The following LRP3 variants were observed in gnomAD, a reference collection of about 807,000 sequenced individuals.
LRP3 encodes LDL receptor related protein 3.
Under a neutral mutation model 58.5 loss-of-function variants are expected in LRP3, and 49 were observed. The observed-to-expected ratio is 0.84, with a 90% CI of 0.67 to 1.06. LRP3 has a LOEUF of 1.06. Ranked by LOEUF, LRP3 falls within the 50% of genes least tolerant of loss-of-function variation. The probability of loss-of-function intolerance (pLI) is 0.00; values close to 1 mark genes in which losing one functional copy is unlikely to be tolerated. For missense variants in LRP3, 1,019 were observed against 1,134.2 expected (o/e 0.90, Z 1.46); for synonymous variants, 485 against 492.2 (o/e 0.99, Z 0.20).
In LRP3 at chr19:33,194,710, A is replaced by AGAGCCGGAGCCGCAGCCGGAACCG. The variant is rs1223197911; in HGVS notation, c.-62_-39dup. On this transcript the variant is annotated 5_prime_UTR_variant, in exon 1 of 7. Coordinates refer to ENST00000253193, the MANE Select transcript of LRP3 (RefSeq NM_002333.4). ...CCGAGCCCGAGCCGCAGCCAGAGCC[A>AGAGCCGGAGCCGCAGCCGGAACCG]GAGCCGGAGCCGCAGCCGGAACCGG... 30 of 422,392 alleles carry AGAGCCGGAGCCGCAGCCGGAACCG rather than the reference A, an allele frequency of 7.1e-5. No homozygotes were observed. In the South Asian group the frequency reaches 2.4e-3, roughly 34 times the overall value. 26.2% of individuals were successfully genotyped at this position (422,392 alleles called of 1,614,324 possible).
chr19:33,206,866 G>C (rs919437259), intron 6 of LRP3, 122 bp from the exon 7 acceptor site: 1 of 1,227,238 alleles, frequency 8.1e-7, no homozygotes, highest in Non-Finnish European at 1.1e-6. Context: ...CCAGGTGGGG[G>C]GGGTGGACAA....
exon 7 of LRP3, chr19:33,208,861 GAAAC>G: frequency 6.8e-7 from 1 of 1,464,330 alleles, no homozygotes. The surrounding 1 kb of genome is among the most constrained non-coding windows in gnomAD (Gnocchi z 4.7). Flanking sequence ...CATGTAAACA[GAAAC>G]AACTGCTTCA....
Position 33,194,696 on chromosome 19 carries a change from C to T in LRP3, c.-90C>T. The T allele has an allele frequency of 2.9e-6, 1 of 346,816 alleles. No homozygotes were observed. The highest frequency in any genetic ancestry group is 4.1e-6 in the Non-Finnish European group (1 of 246,050). 21.5% of individuals were successfully genotyped at this position (346,816 alleles called of 1,614,324 possible). ...GCCCTAGCCCGAGCCCGAGCCCGAG[C>T]CGCAGCCAGAGCCAGAGCCGGAGCC... On this transcript the variant is annotated 5_prime_UTR_variant, in exon 1 of 7. Coordinates refer to ENST00000253193, the MANE Select transcript of LRP3 (RefSeq NM_002333.4).
Position 33,205,493 on chromosome 19 carries a change from C to T in LRP3, c.723C>T (p.Gly241=), listed in dbSNP as rs746002705. Residue 241 remains glycine (G), a synonymous_variant, in exon 5 of 7, where the codon GGC becomes GGT. Coordinates refer to ENST00000253193, the MANE Select transcript of LRP3 (RefSeq NM_002333.4). ...GCTGTGACGGCTTGCAGGACTGCGGCGACGGCTCGGATGAGGCGGGCTGCC... is the reference window on the plus strand; with the variant it reads ...GCTGTGACGGCTTGCAGGACTGCGGTGACGGCTCGGATGAGGCGGGCTGCC... The part of the protein sequence containing the change: ...ERRCDGLQDC[G]DGSDEAGCPD... 8.9e-6 allele frequency: 14 copies of T among 1,579,914 alleles called. No homozygotes were observed. Among genetic ancestry groups the T allele is most frequent in the South Asian group, 2.3e-5 (2 of 87,934 alleles).
chr19:33,195,769 C>G (rs576046401), intron 1 of LRP3, among the ~76,000 whole-genome samples: 1 of 152,188 alleles, frequency 6.6e-6, no homozygotes, highest in African/African-American at 2.4e-5. Context: ...AGGGTGTAAC[C>G]CCAGCGCGCC....
chr19:33,203,178 G>A (rs997352839), intron 3 of LRP3, among the ~76,000 whole-genome samples, 192 bp downstream of exon 3: 2 of 152,166 alleles, frequency 1.3e-5, no homozygotes, highest in African/African-American at 4.8e-5. Context: ...GTGAACAGGT[G>A]TATGGGTGTG....
At chr19:33,205,044 C>T (rs1974385205) in intron 4 of LRP3, 192 bp downstream of exon 4, 4 of 737,450 alleles carry the variant, frequency 5.4e-6, no homozygotes, top group Non-Finnish European at 8.7e-6. Flanking sequence ...GGTCACTGGC[C>T]CCACTTCCCA....
chr19:33,196,565 G>A (rs1354065584), intron 1 of LRP3, among the ~76,000 whole-genome samples, 165 bp from the exon 2 acceptor site: 1 of 152,124 alleles, frequency 6.6e-6, no homozygotes, highest in African/African-American at 2.4e-5. Flanking sequence ...GAGGTGGTAG[G>A]GACCCTCTTG....
chr19:33,194,836 G>T lies in LRP3; in HGVS notation c.51G>T (p.Ala17=). Residue 17 remains alanine (A), a synonymous_variant, in exon 1 of 7, where the codon GCG becomes GCT. Coordinates refer to ENST00000253193, the MANE Select transcript of LRP3 (RefSeq NM_002333.4). ...AGLEGAPGAR[A]QLAVVCLVNI... Reference sequence around the variant, plus strand: ...TGGAGGGCGCGCCGGGCGCCCGGGCGCAGCTGGCCGTCGTCTGTCTGGGTG... The same window carrying T: ...TGGAGGGCGCGCCGGGCGCCCGGGCTCAGCTGGCCGTCGTCTGTCTGGGTG... 2.7e-6 allele frequency: 3 copies of T among 1,105,292 alleles called. No homozygotes were observed. Among genetic ancestry groups the T allele is most frequent in the East Asian group, 5.0e-5 (1 of 20,174 alleles). 68.5% of individuals were successfully genotyped at this position (1,105,292 alleles called of 1,614,324 possible). A position where few individuals can be genotyped will look rare whatever the true frequency, so the allele number is the denominator to read the frequency against.
At chr19:33,199,191 T>G (rs1974315977) in intron 2 of LRP3, among the ~76,000 whole-genome samples, 1 of 152,144 alleles carries the variant, frequency 6.6e-6, no homozygotes, top group African/African-American at 2.4e-5. Context: ...CCTCACTGCC[T>G]GCCCGCTGCT....
In LRP3 at chr19:33,194,509, G is replaced by GGGGTCTTCCCTGGCGGCCGC. The variant is rs1350729323; in HGVS notation, c.-276_-257dup. The GGGGTCTTCCCTGGCGGCCGC allele has an allele frequency of 1.4e-5, 2 of 144,958 alleles. No homozygotes were observed. The highest frequency in any genetic ancestry group is 2.5e-5 in the African/African-American group (1 of 40,454). The allele number at this position is 144,958 out of a possible 1,614,324, so 9.0% of individuals were successfully genotyped here. On this transcript the variant is annotated 5_prime_UTR_variant, in exon 1 of 7. An upstream open reading frame in the 5' UTR loses its in-frame stop. Transcript: ENST00000253193. ...CGGGGCGCGGGGGCAGCGGCGGGCG[G>GGGGTCTTCCCTGGCGGCCGC]GGGTCTTCCCTGGCGGCCGCCGCTG...
chr19:33,203,335 T>C (rs748910067), intron 3 of LRP3, among the ~76,000 whole-genome samples: 53 of 152,014 alleles, frequency 3.5e-4, no homozygotes, highest in Admixed American at 1.1e-3. Flanking sequence ...TGTGTGTGTG[T>C]GCATGTATGT....
intron 2 of LRP3, among the ~76,000 whole-genome samples, chr19:33,202,061 G>A (rs1367755417): frequency 1.3e-5 from 2 of 152,200 alleles, no homozygotes; most frequent in Non-Finnish European, 2.9e-5. Flanking sequence ...TCCTGACTCT[G>A]CCCCTCCCTA....
At chr19:33,194,941 C>A in intron 1 of LRP3, 83 bp downstream of exon 1, 2 of 675,318 alleles carry the variant, frequency 3.0e-6, no homozygotes, top group South Asian at 6.8e-5. Flanking sequence ...CCTCTCCGGC[C>A]GCGGCATCCC....
In LRP3 at chr19:33,206,369, G is replaced by A. The variant is rs933536844; in HGVS notation, c.1592+7G>A. On this transcript the variant is annotated splice_region_variant and intron_variant, in intron 5 of 6. Transcript: ENST00000253193. ...TGCGCACGCAGGAATACAGGTGGGC[G>A]CTGTGCCCGCAGCCAGGGGACCGGG... 2.2e-5 allele frequency: 35 copies of A among 1,603,930 alleles called. No individual in the cohort carries two copies. The highest frequency in any genetic ancestry group is 4.0e-5 in the African/African-American group (3 of 74,902).
chr19:33,194,722 G>A lies in LRP3; in HGVS notation c.-64G>A. On this transcript the variant is annotated 5_prime_UTR_variant, in exon 1 of 7. Coordinates refer to ENST00000253193, the MANE Select transcript of LRP3 (RefSeq NM_002333.4). ...CGCAGCCAGAGCCAGAGCCGGAGCC[G>A]CAGCCGGAACCGGAGCCGGAGCCGC... The A allele has an allele frequency of 3.8e-6, 2 of 526,768 alleles. No individual in the cohort carries two copies. Among genetic ancestry groups the A allele is most frequent in the South Asian group, 7.8e-5 (1 of 12,828 alleles). The allele number at this position is 526,768 out of a possible 1,614,324, so 32.6% of individuals were successfully genotyped here.
chr19:33,199,809 G>T (rs1599933216), intron 2 of LRP3, among the ~76,000 whole-genome samples: 1 of 152,332 alleles, frequency 6.6e-6, no homozygotes, highest in African/African-American at 2.4e-5. Context: ...ATAGGTCTAT[G>T]AGGGAGAAGG....
chr19:33,207,738 G>A lies in LRP3; in HGVS notation c.*163G>A, dbSNP rs1974442499. 2 of 602,398 alleles carry A rather than the reference G, an allele frequency of 3.3e-6. No homozygotes were observed. The highest frequency in any genetic ancestry group is 2.0e-5 in the African/African-American group (1 of 48,784). The allele number at this position is 602,398 out of a possible 1,614,324, so 37.3% of individuals were successfully genotyped here. The stretch of plus-strand genomic sequence containing the variant: ...CTGGCTGCACTGGTGGGCGGGAGCT[G>A]TGGGACTGAACGGCGGGGGGGAGAA... On this transcript the variant is annotated 3_prime_UTR_variant, in exon 7 of 7. Transcript: ENST00000253193.
chr19:33,204,392 A>G (rs1974376224), intron 3 of LRP3: 5 of 558,144 alleles, frequency 9.0e-6, no homozygotes, highest in Non-Finnish European at 1.3e-5. Context: ...AGAGCTGGAA[A>G]TGACCTGCGT....
Sources: gnomAD v4.1 joint callset for allele counts (sites outside exome capture counted in the v4.1 genomes callset) on GRCh38, gnomAD v4.1.1 for gene constraint, Gnocchi (gnomAD v3.1) non-coding constraint, MANE v1.5 for transcripts, NCBI Gene and HGNC (gene_info 2026-07-23, HGNC 2026-07-21) for gene names.